METTL2B: variants seen among roughly 807,000 people sequenced by gnomAD.
METTL2B encodes the protein tRNA N(3)-cytidine methyltransferase METTL2B.
Under a neutral mutation model 51.0 loss-of-function variants are expected in METTL2B, and 28 were observed. The ratio of observed to expected loss-of-function variants is 0.55; its 90% confidence interval spans 0.41 to 0.75. The LOEUF (loss-of-function observed/expected upper bound fraction) is 0.75. Ranked by LOEUF, METTL2B falls within the 30% of genes least tolerant of loss-of-function variation. The probability of loss-of-function intolerance (pLI) is 0.00; values close to 1 mark genes in which losing one functional copy is unlikely to be tolerated. For synonymous variants in METTL2B, 128 were observed against 166.3 expected (o/e 0.77, Z 1.77); for missense variants, 313 against 460.7 (o/e 0.68, Z 2.93).
chr7:128,484,232 T>TTTGTTTTTTTTTTTTTTTTTTTTG (rs1554428845), intron 4 of METTL2B: 2 of 83,558 alleles, frequency 2.4e-5, no homozygotes, highest in Admixed American at 2.7e-4. Context: ...TTTTTTTTTT[T>TTTGTTTTTTTTTTTTTTTTTTTTG]TTTTTTTTTT....
chr7:128,493,610 A>G (rs1422412052), intron 5 of METTL2B, among the ~76,000 whole-genome samples, 194 bp from the exon 6 acceptor site: 1 of 152,200 alleles, frequency 6.6e-6, no homozygotes, highest in African/African-American at 2.4e-5. Context: ...AAGTGATCCT[A>G]TCGCGTGAAC....
intron 1 of METTL2B, 81 bp downstream of exon 1, chr7:128,476,956 GC>G: frequency 1.3e-6 from 2 of 1,551,106 alleles, no homozygotes. Flanking sequence ...GCCCCTGACC[GC>G]CGGCCACGAG....
intron 5 of METTL2B, among the ~76,000 whole-genome samples, chr7:128,493,150 C>A (rs1792865074): frequency 6.6e-6 from 1 of 152,092 alleles, no homozygotes; most frequent in South Asian, 2.1e-4. Context: ...TTGAGTCCTC[C>A]CTGAAATAAC....
At chr7:128,498,926 G>A (rs1396060768) in intron 7 of METTL2B, among the ~76,000 whole-genome samples, 1 of 151,908 alleles carries the variant, frequency 6.6e-6, no homozygotes, top group Non-Finnish European at 1.5e-5. Flanking sequence ...GAACCCAGGA[G>A]GCGGAGCTTG....
intron 4 of METTL2B, among the ~76,000 whole-genome samples, chr7:128,481,503 G>A (rs1377871185): frequency 6.6e-6 from 1 of 152,200 alleles, no homozygotes; most frequent in Non-Finnish European, 1.5e-5. Context: ...TTGTTATGAA[G>A]GATACAGATT....
At chr7:128,485,406 G>C (rs1414825334) in intron 4 of METTL2B, among the ~76,000 whole-genome samples, 4 of 152,078 alleles carry the variant, frequency 2.6e-5, no homozygotes, top group Admixed American at 2.0e-4. Context: ...GCTCACGCCT[G>C]TAATCCCAGC....
chr7:128,504,369 T>TTTTTA lies in METTL2B; in HGVS notation c.*2453_*2454insTTTTA, dbSNP rs1793082214. On this transcript the variant is annotated 3_prime_UTR_variant, in exon 9 of 9. Transcript: ENST00000262432. ...CCCTGACTTTTTTTTTTTTTTTTTT[T>TTTTTA]GAGATGGAGTTTCGCTCTTGTTGCC... The TTTTTA allele has an allele frequency of 7.3e-5, 10 of 136,352 alleles. No individual in the cohort carries two copies. The highest frequency in any genetic ancestry group is 8.1e-5 in the Non-Finnish European group (5 of 61,856). 8.4% of individuals were successfully genotyped at this position (136,352 alleles called of 1,614,324 possible). A position where few individuals can be genotyped will look rare whatever the true frequency, so the allele number is the denominator to read the frequency against.
rs182794319 is a variant in METTL2B, at chr7:128,490,762, A to G, written c.669+2601A>G. ...GAAGTCCCTGGAAAGTCTAGTTAACACAACCTAGCTGATAAATACAGCAGC... is the reference window on the plus strand; with the variant it reads ...GAAGTCCCTGGAAAGTCTAGTTAACGCAACCTAGCTGATAAATACAGCAGC... On this transcript the variant is annotated intron_variant, in intron 5 of 8. Coordinates refer to ENST00000262432, the MANE Select transcript of METTL2B (RefSeq NM_018396.3). 2.3e-3 allele frequency among the ~76,000 whole-genome samples: 354 copies of G among 152,314 alleles called. 1 individual carries two copies. The highest frequency in any genetic ancestry group is 8.1e-3 in the African/African-American group (338 of 41,582).
rs1355952151 is a variant in METTL2B at position 128,502,400 on chromosome 7, T to C, written c.*484T>C. 1 of 294,112 alleles carries C rather than the reference T, an allele frequency of 3.4e-6. No homozygotes were observed. Among genetic ancestry groups the C allele is most frequent in the African/African-American group, 2.3e-5 (1 of 43,048 alleles). 18.2% of individuals were successfully genotyped at this position (294,112 alleles called of 1,614,324 possible). ...TATGACAAGTGTTTTTTGATTGTAATTGCGTTAAATCTTTTGAGAGTGTAA... is the reference window on the plus strand; with the variant it reads ...TATGACAAGTGTTTTTTGATTGTAACTGCGTTAAATCTTTTGAGAGTGTAA... On this transcript the variant is annotated 3_prime_UTR_variant, in exon 9 of 9. Transcript: ENST00000262432.
At chr7:128,482,685 C>A (rs1401535004) in intron 4 of METTL2B, among the ~76,000 whole-genome samples, 1 of 152,166 alleles carries the variant, frequency 6.6e-6, no homozygotes, top group Admixed American at 6.5e-5. Context: ...AGGCATGCGC[C>A]ACAATGCCCA....
chr7:128,501,028 C>T (rs1410824392), intron 8 of METTL2B, 60 bp downstream of exon 8: 2 of 1,608,422 alleles, frequency 1.2e-6, no homozygotes, highest in Non-Finnish European at 1.7e-6. Context: ...CTTCAAGGCA[C>T]ATTCAGAAGG....
intron 2 of METTL2B, among the ~76,000 whole-genome samples, chr7:128,478,306 A>G (rs1799828484): frequency 6.7e-6 from 1 of 148,902 alleles, no homozygotes; most frequent in African/African-American, 2.5e-5. Context: ...GCTGGAGTGC[A>G]GTGGCGCGAT....
At position 128,493,765 on chromosome 7, in the gene METTL2B, A is replaced by G. The variant is rs192314016; in HGVS notation, c.670-39A>G. ...ATAATCTTTTCTTTGGGCTATGTTAATATTTTCTAACTTACTTGTCTCTTC... is the reference window on the plus strand; with the variant it reads ...ATAATCTTTTCTTTGGGCTATGTTAGTATTTTCTAACTTACTTGTCTCTTC... On this transcript the variant is annotated intron_variant, in intron 5 of 8. Transcript: ENST00000262432. 5.6e-5 allele frequency: 88 copies of G among 1,583,850 alleles called. 1 individual carries two copies. The highest frequency in any genetic ancestry group is 1.9e-4 in the Admixed American group (10 of 51,918).
intron 4 of METTL2B, among the ~76,000 whole-genome samples, chr7:128,480,929 G>A (rs142939995): frequency 0.036 from 5,486 of 152,302 alleles, 235 homozygotes; most frequent in East Asian, 0.22. Context: ...GATTATGTCA[G>A]ATTCAGATTT....
intron 3 of METTL2B, among the ~76,000 whole-genome samples, chr7:128,480,063 T>C (rs1390301887): frequency 2.6e-5 from 4 of 152,220 alleles, no homozygotes; most frequent in Non-Finnish European, 4.4e-5. Flanking sequence ...GTTCTGGAAC[T>C]GGTTAGCCTT....
In METTL2B at chr7:128,501,528, G is replaced by A. The variant is rs183434481; in HGVS notation, c.983-234G>A. On this transcript the variant is annotated intron_variant, in intron 8 of 8. Coordinates refer to ENST00000262432, the MANE Select transcript of METTL2B (RefSeq NM_018396.3). ...TTTAAGGTGTTCATAGAGCCTAAAG[G>A]CCAAATATAAACCAAAGGTTTTTAA... The A allele has an allele frequency of 1.5e-4, 144 of 985,368 alleles. 1 individual carries two copies. The South Asian group carries it at 2.8e-3, about 19-fold the overall frequency. The allele number at this position is 985,368 out of a possible 1,614,324, so 61.0% of individuals were successfully genotyped here.
chr7:128,476,933 A>C (rs1799807522), intron 1 of METTL2B, 58 bp downstream of exon 1: 1 of 1,495,738 alleles, frequency 6.7e-7, no homozygotes, highest in Non-Finnish European at 9.0e-7. Context: ...GCCGCCTCGG[A>C]GCATTCCGAA....
At chr7:128,486,092 G>A (rs1437753594) in intron 4 of METTL2B, among the ~76,000 whole-genome samples, 1 of 151,884 alleles carries the variant, frequency 6.6e-6, no homozygotes, top group Non-Finnish European at 1.5e-5. Flanking sequence ...TCAGGAGTTC[G>A]AGCCCAGCCT....
intron 6 of METTL2B, among the ~76,000 whole-genome samples, chr7:128,497,521 C>T (rs1001667263): frequency 2.6e-5 from 4 of 152,108 alleles, no homozygotes; most frequent in African/African-American, 7.2e-5. Flanking sequence ...GTTACTCTGC[C>T]GCCCAGGCCG....
Sources: allele counts gnomAD v4.1 joint callset (sites outside exome capture counted in the v4.1 genomes callset), GRCh38; gene constraint gnomAD v4.1.1; transcripts MANE v1.5; gene names NCBI Gene and HGNC (gene_info 2026-07-23, HGNC 2026-07-21).